Variants in KIAA1217 observed in about 807,000 individuals in gnomAD.
KIAA1217 encodes sickle tail protein homolog.
In KIAA1217, 88 loss-of-function variants were observed where a neutral mutation model predicts 163.9. The ratio of observed to expected loss-of-function variants is 0.54; its 90% CI spans 0.45 to 0.64. KIAA1217 has a LOEUF of 0.64. KIAA1217 is among the 30% of genes least tolerant of loss of function. KIAA1217 has a pLI of 0.00. For synonymous variants in KIAA1217, 903 were observed against 923.1 expected, an observed-to-expected ratio of 0.98 and a Z score of 0.39; for missense variants, 2,372 against 2,475.0, an observed-to-expected ratio of 0.96 and a Z score of 0.88.
intron 2 of KIAA1217, among the ~76,000 whole-genome samples, chr10:24,312,591 C>T (rs2042848796): frequency 6.6e-6 from 1 of 152,016 alleles, no homozygotes; most frequent in Non-Finnish European, 1.5e-5. Context: ...TGCACTCCAG[C>T]CTGGTGACAG....
At chr10:24,488,836 G>A (rs187984149) in intron 6 of KIAA1217, among the ~76,000 whole-genome samples, 1 of 152,218 alleles carries the variant, frequency 6.6e-6, no homozygotes, top group East Asian at 1.9e-4. Flanking sequence ...CTTCGGCACT[G>A]CCAAGATCAA....
intron 2 of KIAA1217, among the ~76,000 whole-genome samples, chr10:24,224,598 G>T (rs1403000748): frequency 6.6e-6 from 1 of 152,076 alleles, no homozygotes; most frequent in African/African-American, 2.4e-5. Context: ...GGGATTACAG[G>T]TGTGAGCCAC....
At chr10:24,516,980 G>A (rs535723971) in intron 10 of KIAA1217, among the ~76,000 whole-genome samples, 2 of 152,038 alleles carry the variant, frequency 1.3e-5, no homozygotes, top group African/African-American at 4.8e-5. Context: ...GGCAACGCAG[G>A]AACACAGGGA....
At chr10:23,773,133 T>C (rs954971141) in intron 1 of KIAA1217, among the ~76,000 whole-genome samples, 1 of 152,212 alleles carries the variant, frequency 6.6e-6, no homozygotes, top group Admixed American at 6.5e-5. Flanking sequence ...AGGGATATGA[T>C]TGACTGATTC....
At chr10:23,766,528 G>A (rs1159425375) in intron 1 of KIAA1217, among the ~76,000 whole-genome samples, 1 of 151,558 alleles carries the variant, frequency 6.6e-6, no homozygotes. Flanking sequence ...GATTCTCTGG[G>A]AACAAGAACA....
chr10:24,320,175 A>G (rs1001217856), intron 2 of KIAA1217, among the ~76,000 whole-genome samples: 10 of 152,242 alleles, frequency 6.6e-5, no homozygotes, highest in Admixed American at 1.3e-4. Context: ...TCCTATTCCA[A>G]GACTCCAAGG....
intron 1 of KIAA1217, among the ~76,000 whole-genome samples, chr10:23,971,000 C>G (rs1845291457): frequency 6.6e-6 from 1 of 152,154 alleles, no homozygotes; most frequent in Non-Finnish European, 1.5e-5. Context: ...AAATAAAGTG[C>G]ACTTGGAAGA....
chr10:24,483,486 A>G (rs2064967251), intron 6 of KIAA1217, among the ~76,000 whole-genome samples: 1 of 152,230 alleles, frequency 6.6e-6, no homozygotes, highest in African/African-American at 2.4e-5. Flanking sequence ...TGCAAGCACA[A>G]GTAACTAAGA....
At chr10:24,341,469 T>C (rs764597641) in intron 2 of KIAA1217, among the ~76,000 whole-genome samples, 4 of 152,230 alleles carry the variant, frequency 2.6e-5, no homozygotes, top group Non-Finnish European at 5.9e-5. Context: ...CTTTTGCCTT[T>C]CTTTTCATTG....
intron 2 of KIAA1217, among the ~76,000 whole-genome samples, chr10:24,241,177 T>G (rs1035137041): frequency 2.6e-5 from 4 of 152,116 alleles, no homozygotes; most frequent in African/African-American, 9.7e-5. Flanking sequence ...ACTTTACAGA[T>G]GCAGAAACTG....
At chr10:23,814,758 G>A (rs963253841) in intron 1 of KIAA1217, among the ~76,000 whole-genome samples, 6 of 151,706 alleles carry the variant, frequency 4.0e-5, no homozygotes, top group Admixed American at 6.6e-5. Flanking sequence ...ACATTTTTCT[G>A]TTCTTGCAGG....
At chr10:24,269,447 C>T (rs2076568605) in intron 2 of KIAA1217, among the ~76,000 whole-genome samples, 1 of 151,976 alleles carries the variant, frequency 6.6e-6, no homozygotes, top group Admixed American at 6.6e-5. Context: ...TGGCTTGAGC[C>T]CTGGAGTTTG....
chr10:23,839,575 CA>C (rs1359182400), intron 1 of KIAA1217, among the ~76,000 whole-genome samples: 3 of 152,054 alleles, frequency 2.0e-5, no homozygotes, highest in African/African-American at 7.2e-5. Context: ...GGCTGGTGGT[CA>C]TTTATATACA....
chr10:24,004,911 G>C (rs11013846), intron 1 of KIAA1217, among the ~76,000 whole-genome samples: 39,740 of 152,162 alleles, frequency 0.26, 5,371 homozygotes, highest in Non-Finnish European at 0.29. Context: ...GGAGTGACCA[G>C]AAGCCTTGTT....
intron 3 of KIAA1217, among the ~76,000 whole-genome samples, chr10:24,425,495 A>G (rs1365209720): frequency 6.6e-6 from 1 of 152,242 alleles, no homozygotes; most frequent in Non-Finnish European, 1.5e-5. Context: ...ATTGATTTGT[A>G]TAAATCTAGT....
intron 1 of KIAA1217, among the ~76,000 whole-genome samples, chr10:23,903,762 T>G (rs936066633): frequency 6.6e-6 from 1 of 152,100 alleles, no homozygotes; most frequent in Non-Finnish European, 1.5e-5. Context: ...CTTCTTCAGC[T>G]TCCTCAGTTT....
intron 1 of KIAA1217, among the ~76,000 whole-genome samples, chr10:23,824,679 A>ATG (rs1837814655): frequency 7.2e-6 from 1 of 138,962 alleles, no homozygotes; most frequent in Non-Finnish European, 1.5e-5. Context: ...ATATATATAT[A>ATG]TATGTATATA....
chr10:24,179,098 C>T (rs1435502136), intron 2 of KIAA1217, among the ~76,000 whole-genome samples: 4 of 152,116 alleles, frequency 2.6e-5, no homozygotes, highest in Non-Finnish European at 5.9e-5. Context: ...ACACAGAGTG[C>T]CTCACAGAAA....
intron 2 of KIAA1217, among the ~76,000 whole-genome samples, chr10:24,371,752 G>A (rs951446396): frequency 6.6e-6 from 1 of 152,114 alleles, no homozygotes; most frequent in African/African-American, 2.4e-5. Flanking sequence ...CAGGAATTGG[G>A]CATGAATACA....
Sources: allele counts gnomAD v4.1 joint callset (sites outside exome capture counted in the v4.1 genomes callset), GRCh38; gene constraint gnomAD v4.1.1; transcripts MANE v1.5; gene names NCBI Gene and HGNC (gene_info 2026-07-23, HGNC 2026-07-21).